OCA2: variants seen among roughly 807,000 people sequenced by gnomAD.
OCA2 encodes the protein P protein.
A neutral mutation model predicts 100.2 loss-of-function variants in OCA2; 77 were observed. The observed-to-expected ratio is 0.77, with a 90% CI of 0.64 to 0.93. The LOEUF is 0.93. OCA2 is among the 40% of genes least tolerant of loss of function. The pLI, the probability that OCA2 is intolerant of heterozygous loss-of-function variation, is 0.00. For missense variants in OCA2, 1,062 were observed against 1,089.1 expected, an observed-to-expected ratio of 0.98 and a Z score of 0.35; for synonymous variants, 432 against 439.2, an observed-to-expected ratio of 0.98 and a Z score of 0.21.
chr15:28,048,657 GA>G lies in OCA2; in HGVS notation c.228-16495del, dbSNP rs567441450. 1.8e-3 allele frequency among the ~76,000 whole-genome samples: 266 copies of G among 150,850 alleles called. 1 individual carries two copies. Among genetic ancestry groups the G allele is most frequent in the African/African-American group, 6.0e-3 (246 of 41,146 alleles). On this transcript the variant is annotated intron_variant, in intron 2 of 23. Coordinates refer to ENST00000354638, the MANE Select transcript of OCA2 (RefSeq NM_000275.3). ...AGCACCAAAATCCCAAGCAATAACAGAAAAAAAAATAGATAAATTGAGCTTC... is the reference window on the plus strand; with the variant it reads ...AGCACCAAAATCCCAAGCAATAACAGAAAAAAAATAGATAAATTGAGCTTC...
intron 2 of OCA2, among the ~76,000 whole-genome samples, chr15:28,052,452 C>T (rs916905578): frequency 1.3e-5 from 2 of 152,222 alleles, no homozygotes; most frequent in Non-Finnish European, 2.9e-5. Context: ...CATGACCCTT[C>T]CAAACTTGGA....
intron 1 of OCA2, among the ~76,000 whole-genome samples, chr15:28,092,581 G>A (rs1276439594): frequency 6.6e-6 from 1 of 152,128 alleles, no homozygotes; most frequent in Non-Finnish European, 1.5e-5. Flanking sequence ...TCAAACTCCT[G>A]GGATCAAGTG....
intron 2 of OCA2, among the ~76,000 whole-genome samples, chr15:28,034,697 AGC>A (rs1363474826): frequency 6.6e-6 from 1 of 152,076 alleles, no homozygotes; most frequent in African/African-American, 2.4e-5. Context: ...TGATTGCTTG[AGC>A]CTGAGAGGTC....
intron 19 of OCA2, among the ~76,000 whole-genome samples, chr15:27,887,737 TC>T (rs1256518810): frequency 6.7e-6 from 1 of 150,346 alleles, no homozygotes; most frequent in Non-Finnish European, 1.5e-5. Flanking sequence ...GTGCATTTTG[TC>T]CCTCAAAATC....
At chr15:27,916,319 C>T (rs1342414632) in intron 19 of OCA2, among the ~76,000 whole-genome samples, 1 of 152,126 alleles carries the variant, frequency 6.6e-6, no homozygotes, top group East Asian at 1.9e-4. Flanking sequence ...CTGTAACAAA[C>T]CTGCACATGT....
chr15:27,871,142 T>C lies in OCA2; in HGVS notation c.2244+12A>G, dbSNP rs1159308791. ...TAAAGTTGAGCCGTCGACATGGACA[T>C]GTGCAACTCACCATGGTAGCAGTGA... On this transcript the variant is annotated intron_variant, in intron 21 of 23. Coordinates refer to ENST00000354638, the MANE Select transcript of OCA2 (RefSeq NM_000275.3). 4 of 1,599,578 alleles carry C rather than the reference T, an allele frequency of 2.5e-6. No homozygotes were observed. In the South Asian group the frequency reaches 4.4e-5, roughly 18 times the overall value.
At chr15:27,971,142 T>C (rs947729729) in intron 14 of OCA2, among the ~76,000 whole-genome samples, 2 of 144,176 alleles carry the variant, frequency 1.4e-5, no homozygotes, top group Admixed American at 1.4e-4. Context: ...CAAGACATGA[T>C]GGGAAAACGT....
At chr15:27,749,879 A>G (rs1462377648), downstream of OCA2, among the ~76,000 whole-genome samples, 1 of 152,248 alleles carries the variant, frequency 6.6e-6, no homozygotes, top group African/African-American at 2.4e-5. Context: ...AGGGATGGAA[A>G]GTTCAACATA....
intron 18 of OCA2, among the ~76,000 whole-genome samples, chr15:27,935,216 T>C (rs1231195481): frequency 1.3e-5 from 2 of 152,222 alleles, no homozygotes; most frequent in Admixed American, 6.5e-5. Context: ...TGAGTGGAGA[T>C]GAATACAGAT....
chr15:27,783,851 C>T lies in OCA2; in HGVS notation c.2433-28379G>A, dbSNP rs139517767. Among the ~76,000 whole-genome samples the T allele has an allele frequency of 3.4e-3, 517 of 152,346 alleles. 4 individuals carry two copies. Among genetic ancestry groups the T allele is most frequent in the African/African-American group, 0.012 (499 of 41,574 alleles). On this transcript the variant is annotated intron_variant, in intron 23 of 23. Transcript: ENST00000354638. Reference sequence around the variant, plus strand: ...TGCTGTCAGAAAGCATGAAGCCAGGCCTGGATCACTGTCCAGGACGTCCTT... The same window carrying T: ...TGCTGTCAGAAAGCATGAAGCCAGGTCTGGATCACTGTCCAGGACGTCCTT...
intron 23 of OCA2, among the ~76,000 whole-genome samples, chr15:27,758,711 A>G (rs2030587764): frequency 6.6e-6 from 1 of 152,230 alleles, no homozygotes; most frequent in South Asian, 2.1e-4. Context: ...CGGAATGGGC[A>G]CAATAATATA....
intron 13 of OCA2, 67 bp downstream of exon 13, chr15:27,984,997 A>T: frequency 5.6e-6 from 9 of 1,593,124 alleles, no homozygotes; most frequent in Non-Finnish European, 7.7e-6. Flanking sequence ...GGAGCCAGGC[A>T]GTGCAGGCAG....
intron 10 of OCA2, 64 bp downstream of exon 10, chr15:27,990,512 G>A (rs2041518218): frequency 6.6e-7 from 1 of 1,506,590 alleles, no homozygotes; most frequent in Non-Finnish European, 9.2e-7. Flanking sequence ...CCTGAATCCT[G>A]GAACATCTTT....
intron 23 of OCA2, among the ~76,000 whole-genome samples, chr15:27,825,215 C>T (rs548968691): frequency 5.2e-4 from 79 of 152,236 alleles, no homozygotes; most frequent in African/African-American, 1.7e-3. Flanking sequence ...GAGGGCAGCC[C>T]GCTGTGCACC....
intron 10 of OCA2, among the ~76,000 whole-genome samples, chr15:27,989,918 A>G (rs1000369942): frequency 2.3e-4 from 35 of 152,154 alleles, no homozygotes; most frequent in African/African-American, 8.4e-4. Context: ...CAGCTCCCAC[A>G]TGGCGGGACT....
At chr15:28,014,384 C>T (rs897417676) in intron 9 of OCA2, among the ~76,000 whole-genome samples, 3 of 152,218 alleles carry the variant, frequency 2.0e-5, no homozygotes, top group Admixed American at 6.5e-5. Context: ...CTCACACACA[C>T]AACCCCACGG....
intron 9 of OCA2, among the ~76,000 whole-genome samples, chr15:27,994,777 C>T (rs985315535): frequency 6.6e-6 from 1 of 152,214 alleles, no homozygotes; most frequent in Admixed American, 6.5e-5. Flanking sequence ...AGTTTGGGGG[C>T]AGCCCCCAAG....
At chr15:27,925,650 C>A (rs980660538) in intron 19 of OCA2, among the ~76,000 whole-genome samples, 1 of 152,112 alleles carries the variant, frequency 6.6e-6, no homozygotes, top group African/African-American at 2.4e-5. Flanking sequence ...GAGGAGGACA[C>A]AAATTTATAA....
At chr15:27,735,857 A>G in the OCA2 span, among the ~76,000 whole-genome samples, 1 of 152,248 alleles carries the variant, frequency 6.6e-6, no homozygotes, top group Non-Finnish European at 1.5e-5. Flanking sequence ...GAGGGAGTTC[A>G]ATACCAGACC....
Sources: allele counts gnomAD v4.1 joint callset (sites outside exome capture counted in the v4.1 genomes callset), GRCh38; gene constraint gnomAD v4.1.1; transcripts MANE v1.5; gene names NCBI Gene and HGNC (gene_info 2026-07-23, HGNC 2026-07-21).